SRP68: variants seen among roughly 807,000 people sequenced by gnomAD.
The protein encoded by SRP68 is signal recognition particle 68.
Under a neutral mutation model 82.2 loss-of-function variants are expected in SRP68, and 15 were observed. That is an observed-to-expected ratio of 0.18 (90% CI 0.12 to 0.28). The LOEUF (loss-of-function observed/expected upper bound fraction) is 0.28, where lower values mean the gene tolerates loss of function less well. Among genes scored for constraint, SRP68 ranks in the 10% least tolerant of loss-of-function variants. The pLI is 1.00. For synonymous variants in SRP68, 261 were observed against 292.6 expected, an observed-to-expected ratio of 0.89 and a Z score of 1.10; for missense variants, 595 against 780.5, an observed-to-expected ratio of 0.76 and a Z score of 2.83.
At chr17:76,045,686 G>C (rs1271803591) in intron 11 of SRP68, among the ~76,000 whole-genome samples, 2 of 152,172 alleles carry the variant, frequency 1.3e-5, no homozygotes, top group African/African-American at 4.8e-5. Flanking sequence ...ATTTTGCTTA[G>C]CATCTACTCA....
chr17:76,064,705 T>G (rs2066793586), intron 3 of SRP68, among the ~76,000 whole-genome samples: 1 of 151,888 alleles, frequency 6.6e-6, no homozygotes, highest in Admixed American at 6.6e-5. Flanking sequence ...GCTGGGTGTG[T>G]TGGTATGCGC....
intron 4 of SRP68, among the ~76,000 whole-genome samples, chr17:76,062,748 T>TAAA (rs1455233485): frequency 1.2e-5 from 1 of 82,540 alleles, no homozygotes; most frequent in African/African-American, 7.2e-5. Context: ...TATATATATA[T>TAAA]ATATATATAT....
Position 76,067,330 on chromosome 17 carries a change from C to T in SRP68, c.252G>A (p.Arg84=), listed in dbSNP as rs1222938888. 3 of 1,608,104 alleles carry T rather than the reference C, an allele frequency of 1.9e-6. No individual in the cohort carries two copies. In the African/African-American group the frequency reaches 4.0e-5, roughly 22 times the overall value. ...GLRHGDFQRY[R]GYCSRRQRRL... ...GTCTTTGTCTACGGGAACAGTAGCC[C>T]CTGTAAGAAACCACAAACAAAACTC... is the stretch of plus-strand genomic sequence containing the variant. The change falls in exon 3 of 16, where the codon AGG becomes AGA. Residue 84 remains arginine, a splice_region_variant and synonymous_variant. Coordinates refer to ENST00000307877, the MANE Select transcript of SRP68 (RefSeq NM_014230.4).
At chr17:76,070,849 T>TGCACACACAC (rs1491504463) in intron 1 of SRP68, among the ~76,000 whole-genome samples, 1 of 69,708 alleles carries the variant, frequency 1.4e-5, no homozygotes, top group Non-Finnish European at 2.6e-5. Flanking sequence ...CACATGCACA[T>TGCACACACAC]GCACACACAC....
chr17:76,065,542 C>A (rs2066800186), intron 3 of SRP68, among the ~76,000 whole-genome samples: 1 of 151,870 alleles, frequency 6.6e-6, no homozygotes, highest in Non-Finnish European at 1.5e-5. Context: ...TCTCCAGGCT[C>A]TAGCTTTCTG....
chr17:76,042,346 G>A (rs930327798), intron 13 of SRP68, among the ~76,000 whole-genome samples: 5 of 151,900 alleles, frequency 3.3e-5, no homozygotes, highest in Non-Finnish European at 7.4e-5. Context: ...GCTCACGCCT[G>A]TAATCCTAGC....
intron 3 of SRP68, among the ~76,000 whole-genome samples, chr17:76,066,361 A>G (rs2066806137): frequency 6.6e-6 from 1 of 151,638 alleles, no homozygotes; most frequent in Non-Finnish European, 1.5e-5. Context: ...CTGAGGCAGG[A>G]GAAGCTTGAA....
At chr17:76,041,979 G>A (rs960599803) in intron 13 of SRP68, among the ~76,000 whole-genome samples, 2 of 151,774 alleles carry the variant, frequency 1.3e-5, no homozygotes, top group South Asian at 2.1e-4. Flanking sequence ...CGCCTCCCGC[G>A]TTCACGCCAT....
chr17:76,062,899 T>G (rs2066778492), intron 4 of SRP68, among the ~76,000 whole-genome samples: 1 of 147,090 alleles, frequency 6.8e-6, no homozygotes, highest in Non-Finnish European at 1.5e-5. Context: ...GCCTCCTGAG[T>G]AGCTGGGACT....
intron 8 of SRP68, among the ~76,000 whole-genome samples, chr17:76,053,971 C>G (rs1036053190): frequency 3.9e-5 from 6 of 152,216 alleles, no homozygotes; most frequent in Admixed American, 2.0e-4. Flanking sequence ...TGCTCTTAAA[C>G]ATAAGTGGCA....
chr17:76,070,863 C>A (rs1432306387), intron 1 of SRP68, among the ~76,000 whole-genome samples: 1 of 151,544 alleles, frequency 6.6e-6, no homozygotes, highest in Non-Finnish European at 1.5e-5. Context: ...CACACACACA[C>A]ACACACACAC....
At chr17:76,067,863 C>T (rs2066818871) in intron 2 of SRP68, among the ~76,000 whole-genome samples, 1 of 152,174 alleles carries the variant, frequency 6.6e-6, no homozygotes, top group African/African-American at 2.4e-5. Context: ...GTTCAAGGAA[C>T]CCACATTAAA....
intron 4 of SRP68, among the ~76,000 whole-genome samples, chr17:76,061,843 A>G (rs1567934280): frequency 3.9e-5 from 6 of 152,118 alleles, no homozygotes. Context: ...GAAGAAAAAA[A>G]AGAACATGGA....
At chr17:76,069,527 C>T (rs2144533345) in intron 2 of SRP68, among the ~76,000 whole-genome samples, 1 of 151,816 alleles carries the variant, frequency 6.6e-6, no homozygotes, top group East Asian at 1.9e-4. Flanking sequence ...CCAGCCTGGC[C>T]AACATGGTGA....
intron 8 of SRP68, chr17:76,053,424 A>C: frequency 1.0e-6 from 1 of 984,524 alleles, no homozygotes; most frequent in South Asian, 4.7e-5. Context: ...ACCGGCGTTC[A>C]AGAAAAGAGC....
intron 7 of SRP68, among the ~76,000 whole-genome samples, chr17:76,058,702 C>T (rs746294762): frequency 5.9e-5 from 9 of 152,144 alleles, no homozygotes; most frequent in African/African-American, 9.7e-5. Context: ...TATCTGTATA[C>T]GCTACAAGCA....
At chr17:76,047,077 G>C (rs2066637680) in intron 10 of SRP68, among the ~76,000 whole-genome samples, 1 of 152,168 alleles carries the variant, frequency 6.6e-6, no homozygotes, top group South Asian at 2.1e-4. Flanking sequence ...AAGGAAATGA[G>C]GCAAGGGCCG....
chr17:76,041,032 C>A, intron 13 of SRP68, 54 bp from the exon 14 acceptor site: 2 of 1,506,176 alleles, frequency 1.3e-6, no homozygotes, highest in Non-Finnish European at 9.2e-7. Flanking sequence ...CAGAGAAGCA[C>A]ACCAAGCTAA....
intron 3 of SRP68, among the ~76,000 whole-genome samples, chr17:76,066,785 T>G (rs1382211164): frequency 1.3e-5 from 2 of 151,242 alleles, no homozygotes; most frequent in Non-Finnish European, 2.9e-5. Flanking sequence ...TGAAGTGCAA[T>G]GGTGTGATCT....
Sources: gnomAD v4.1 joint callset for allele counts (sites outside exome capture counted in the v4.1 genomes callset) on GRCh38, gnomAD v4.1.1 for gene constraint, MANE v1.5 for transcripts, NCBI Gene and HGNC (gene_info 2026-07-23, HGNC 2026-07-21) for gene names.